CPAMD8: variants seen among roughly 807,000 people sequenced by gnomAD.
CPAMD8 encodes the protein C3 and PZP like alpha-2-macroglobulin domain containing 8.
In CPAMD8, 146 loss-of-function variants were observed where a neutral mutation model predicts 224.7. The ratio of observed to expected loss-of-function variants is 0.65; its 90% CI spans 0.57 to 0.75. The LOEUF (loss-of-function observed/expected upper bound fraction) is 0.75. CPAMD8 is among the 30% of genes least tolerant of loss of function. The probability of loss-of-function intolerance (pLI) is 0.00; values close to 1 mark genes in which losing one functional copy is unlikely to be tolerated. For synonymous variants in CPAMD8, 966 were observed against 1,044.6 expected (o/e 0.92, Z 1.45); for missense variants, 2,301 against 2,537.5 (o/e 0.91, Z 2.00).
chr19:16,940,760 T>C (rs539335188), intron 22 of CPAMD8, among the ~76,000 whole-genome samples: 4 of 152,192 alleles, frequency 2.6e-5, no homozygotes, highest in African/African-American at 9.6e-5. Flanking sequence ...ATCTCACACC[T>C]GCTAGGCCCG....
Position 16,996,519 on chromosome 19 carries a change from A to G in CPAMD8, c.1095+592T>C, listed in dbSNP as rs139762855. On this transcript the variant is annotated intron_variant, in intron 11 of 41. Transcript: ENST00000443236. Reference sequence around the variant, plus strand: ...CTCTCAACTTAGGTCCTCAGGGGATAAAATCAACCCAGTGAAGGGCCAGGA... The same window carrying G: ...CTCTCAACTTAGGTCCTCAGGGGATGAAATCAACCCAGTGAAGGGCCAGGA... Among the ~76,000 whole-genome samples the G allele has an allele frequency of 5.8e-3, 876 of 152,176 alleles. 5 individuals carry two copies. The highest frequency in any genetic ancestry group is 0.02 in the African/African-American group (838 of 41,526).
At chr19:16,908,846 T>TG (rs1257876200) in intron 29 of CPAMD8, among the ~76,000 whole-genome samples, 1 of 152,082 alleles carries the variant, frequency 6.6e-6, no homozygotes, top group East Asian at 1.9e-4. Flanking sequence ...GTCCATTGCC[T>TG]GGGGGTGGGG....
chr19:16,964,428 C>T (rs1324438918), intron 18 of CPAMD8, among the ~76,000 whole-genome samples: 7 of 151,958 alleles, frequency 4.6e-5, no homozygotes, highest in Non-Finnish European at 7.4e-5. Flanking sequence ...GCAAATAAAC[C>T]AGAAAATCTA....
intron 3 of CPAMD8, among the ~76,000 whole-genome samples, chr19:17,012,825 A>G (rs1378370177): frequency 1.3e-5 from 2 of 152,230 alleles, no homozygotes; most frequent in African/African-American, 4.8e-5. Flanking sequence ...ATCCCTTGAT[A>G]TACATATGTA....
rs2055761873 is a variant in CPAMD8, at chr19:16,987,176, A to G, written c.1395+2467T>C. ...TCAAAAAAAAAAAAAAAAAAAAAAAAAAAATATATATATATATATATATAT... is the reference window on the plus strand; with the variant it reads ...TCAAAAAAAAAAAAAAAAAAAAAAAGAAAATATATATATATATATATATAT... On this transcript the variant is annotated intron_variant, in intron 13 of 41. Transcript: ENST00000443236. 3.3e-5 allele frequency among the ~76,000 whole-genome samples: 3 copies of G among 90,976 alleles called. No homozygotes were observed. The South Asian group carries it at 1.0e-3, about 31-fold the overall frequency. The allele number at this position is 90,976 out of a possible 152,430, so 59.7% of individuals were successfully genotyped here. A position where few individuals can be genotyped will look rare whatever the true frequency, so the allele number is the denominator to read the frequency against.
At chr19:16,922,541 G>C (rs563554470) in intron 26 of CPAMD8, among the ~76,000 whole-genome samples, 23 of 146,764 alleles carry the variant, frequency 1.6e-4, no homozygotes, top group African/African-American at 5.1e-4. Context: ...CCACATCTGG[G>C]GTTCTTGAAA....
intron 36 of CPAMD8, among the ~76,000 whole-genome samples, chr19:16,900,754 G>A (rs34793213): frequency 0.25 from 38,618 of 151,854 alleles, 5,883 homozygotes; most frequent in Non-Finnish European, 0.34. Context: ...GCTCATGTCT[G>A]TAACCCCAGC....
intron 13 of CPAMD8, among the ~76,000 whole-genome samples, chr19:16,983,928 C>T (rs925408535): frequency 2.0e-5 from 3 of 152,116 alleles, no homozygotes; most frequent in African/African-American, 7.2e-5. Context: ...CATTGGAGGA[C>T]TCACACTTCC....
chr19:17,023,087 AC>A (rs1242200128), intron 1 of CPAMD8, among the ~76,000 whole-genome samples: 1 of 152,044 alleles, frequency 6.6e-6, no homozygotes, highest in Non-Finnish European at 1.5e-5. Flanking sequence ...TTAAGAACAA[AC>A]CCTGAAAACA....
At chr19:16,999,279 T>C (rs1018951536) in intron 10 of CPAMD8, among the ~76,000 whole-genome samples, 2 of 152,300 alleles carry the variant, frequency 1.3e-5, no homozygotes, top group East Asian at 3.9e-4. Context: ...TCTGCAACTA[T>C]ATGAAAACCA....
At chr19:16,940,248 C>T (rs1347002765) in intron 22 of CPAMD8, among the ~76,000 whole-genome samples, 1 of 152,190 alleles carries the variant, frequency 6.6e-6, no homozygotes, top group African/African-American at 2.4e-5. Flanking sequence ...AGCTTGTAAA[C>T]TTCTCGGCTT....
chr19:16,924,340 C>T (rs185570641), intron 26 of CPAMD8, among the ~76,000 whole-genome samples: 24 of 152,154 alleles, frequency 1.6e-4, no homozygotes, highest in Admixed American at 7.2e-4. Context: ...GTCCGGCTGT[C>T]CCCTGGAGGT....
chr19:17,011,701 C>T lies in CPAMD8; in HGVS notation c.324G>A (p.Gln108=). Residue 108 remains glutamine, a synonymous_variant, in exon 4 of 42, where the codon CAG becomes CAA. Transcript: ENST00000443236. The stretch of plus-strand genomic sequence containing the variant: ...TGTGAAAGAGGGGCCCCTCCTCCGC[C>T]TGCCAGCCGCGGCCCCACACTTTCA... The part of the protein sequence containing the change: ...ALLKVWGRGW[Q]AEEGPLFHNQ... 1 of 1,614,024 alleles carries T rather than the reference C, an allele frequency of 6.2e-7. No homozygotes were observed. Among genetic ancestry groups the T allele is most frequent in the African/African-American group, 1.3e-5 (1 of 75,062 alleles).
chr19:16,896,817 C>T, intron 39 of CPAMD8, 152 bp from the exon 40 acceptor site: 1 of 448,902 alleles, frequency 2.2e-6, no homozygotes, highest in Non-Finnish European at 3.8e-6. Context: ...GGTCCTGAGC[C>T]CTGGCCTTAT....
intron 26 of CPAMD8, among the ~76,000 whole-genome samples, chr19:16,923,722 G>C (rs1363508677): frequency 6.6e-6 from 1 of 152,166 alleles, no homozygotes; most frequent in Non-Finnish European, 1.5e-5. Flanking sequence ...CCAGCACTTT[G>C]GGAGGCCAAG....
rs138815480 is a variant in CPAMD8 at position 16,947,459 on chromosome 19, C to T, written c.2509-232G>A. 5.8e-3 allele frequency among the ~76,000 whole-genome samples: 877 copies of T among 152,308 alleles called. 7 individuals carry two copies. The highest frequency in any genetic ancestry group is 0.019 in the African/African-American group (805 of 41,556). ...GCCCATCTGTCTTGCTGTGAGACCTCTCCTCCCCACAGCCCTCCGTATCCT... is the reference window on the plus strand; with the variant it reads ...GCCCATCTGTCTTGCTGTGAGACCTTTCCTCCCCACAGCCCTCCGTATCCT... On this transcript the variant is annotated intron_variant, in intron 20 of 41. Coordinates refer to ENST00000443236, the MANE Select transcript of CPAMD8 (RefSeq NM_015692.5).
intron 3 of CPAMD8, among the ~76,000 whole-genome samples, chr19:17,017,861 T>C (rs566019028): frequency 6.6e-6 from 1 of 151,964 alleles, no homozygotes; most frequent in African/African-American, 2.4e-5. Context: ...TGAAACCCCA[T>C]CTCTATTAAA....
chr19:17,009,582 G>A (rs1244284363), intron 5 of CPAMD8: 1 of 343,344 alleles, frequency 2.9e-6, no homozygotes, highest in Non-Finnish European at 5.4e-6. Flanking sequence ...AGACCACCCT[G>A]GCTAACACCG....
At chr19:16,926,095 C>T (rs1467051967) in intron 25 of CPAMD8, among the ~76,000 whole-genome samples, 1 of 152,000 alleles carries the variant, frequency 6.6e-6, no homozygotes, top group Non-Finnish European at 1.5e-5. Flanking sequence ...CAGATTTTCT[C>T]TTTAACCAAG....
Sources: allele counts gnomAD v4.1 joint callset (sites outside exome capture counted in the v4.1 genomes callset), GRCh38; gene constraint gnomAD v4.1.1; transcripts MANE v1.5; gene names NCBI Gene and HGNC (gene_info 2026-07-23, HGNC 2026-07-21).